The following TMEM230 variants were observed in gnomAD, a reference collection of about 807,000 sequenced individuals.
TMEM230 encodes UPF0414 transmembrane protein C20orf30.
A neutral mutation model predicts 15.8 loss-of-function variants in TMEM230; 10 were observed. That is an observed-to-expected ratio of 0.63 (90% CI 0.39 to 1.07). The LOEUF is 1.07. Among genes scored for constraint, TMEM230 ranks in the 50% least tolerant of loss-of-function variants. The pLI is 0.01. For missense variants in TMEM230, 165 were observed against 193.3 expected, an observed-to-expected ratio of 0.85 and a Z score of 0.87; for synonymous variants, 67 against 76.9, an observed-to-expected ratio of 0.87 and a Z score of 0.68.
intron 3 of TMEM230, among the ~76,000 whole-genome samples, chr20:5,070,366 T>A (rs942110050): frequency 6.6e-6 from 1 of 152,144 alleles, no homozygotes; most frequent in Admixed American, 6.6e-5. Context: ...AGATCCCACA[T>A]GAAAACTGCT....
chr20:5,063,179 G>A, the TMEM230 span, among the ~76,000 whole-genome samples: 2 of 151,278 alleles, frequency 1.3e-5, no homozygotes, highest in Admixed American at 6.6e-5. Context: ...GTGGATCTGA[G>A]TGCTTAAGAA....
At chr20:5,105,285 C>T (rs2090025659) in intron 4 of TMEM230, among the ~76,000 whole-genome samples, 2 of 150,030 alleles carry the variant, frequency 1.3e-5, no homozygotes, top group Non-Finnish European at 3.0e-5. Flanking sequence ...GACTCTGTCT[C>T]CAAAATATAT....
intron 2 of TMEM230, among the ~76,000 whole-genome samples, chr20:5,110,322 C>A (rs143630595): frequency 0.015 from 2,211 of 150,898 alleles, 29 homozygotes; most frequent in Admixed American, 0.022. Context: ...TCTCACTTTG[C>A]TGTCCAGGAT....
Position 5,100,378 on chromosome 20 carries a change from T to C in TMEM230, c.*413A>G, listed in dbSNP as rs545128316. The C allele has an allele frequency of 1.1e-4, 104 of 989,160 alleles. No homozygotes were observed. The African/African-American group carries it at 1.3e-3, about 12-fold the overall frequency. 61.3% of individuals were successfully genotyped at this position (989,160 alleles called of 1,614,324 possible). A position where few individuals can be genotyped will look rare whatever the true frequency, so the allele number is the denominator to read the frequency against. ...AGGTAGGGATAAGTGTACAGGATAA[T>C]ATACTCAGATATTTTTAAAATAAAT... On this transcript the variant is annotated 3_prime_UTR_variant, in exon 5 of 5. Transcript: ENST00000342308.
At chr20:5,063,973 CAAGA>C (rs1405253455), downstream of TMEM230, among the ~76,000 whole-genome samples, 1 of 151,996 alleles carries the variant, frequency 6.6e-6, no homozygotes, top group Non-Finnish European at 1.5e-5. Context: ...GATAACGAAA[CAAGA>C]AAGACTGGCT....
downstream of TMEM230, among the ~76,000 whole-genome samples, chr20:5,065,828 A>G (rs1464868429): frequency 1.3e-5 from 2 of 152,214 alleles, no homozygotes; most frequent in South Asian, 4.1e-4. Flanking sequence ...CGCCCCTGCC[A>G]TGCCAAACAC....
chr20:5,082,058 TTC>T (rs1275836245), intron 3 of TMEM230, among the ~76,000 whole-genome samples: 3 of 151,326 alleles, frequency 2.0e-5, no homozygotes, highest in Admixed American at 6.6e-5. Context: ...GTCTTTTTTT[TTC>T]TTTTTTAGCA....
chr20:5,104,892 G>C (rs1568503153), intron 4 of TMEM230, among the ~76,000 whole-genome samples: 1 of 152,240 alleles, frequency 6.6e-6, no homozygotes, highest in Non-Finnish European at 1.5e-5. Context: ...GGGGAATGGG[G>C]AAGGTTAACG....
chr20:5,091,110 C>T (rs2089493156), intron 3 of TMEM230, among the ~76,000 whole-genome samples: 1 of 152,172 alleles, frequency 6.6e-6, no homozygotes, highest in Non-Finnish European at 1.5e-5. Context: ...GCGAACCTCC[C>T]ACTTCAGCCT....
At chr20:5,099,472 G>GA (rs2089771610), downstream of TMEM230, among the ~76,000 whole-genome samples, 1 of 145,216 alleles carries the variant, frequency 6.9e-6, no homozygotes, top group African/African-American at 2.5e-5. Context: ...CACTTCCTGA[G>GA]TTTTTTTTTT....
At chr20:5,069,738 C>G (rs2088763591) in intron 3 of TMEM230, among the ~76,000 whole-genome samples, 1 of 151,766 alleles carries the variant, frequency 6.6e-6, no homozygotes. Context: ...GTGAGACAGT[C>G]TCCCTCTGTT....
exon 4 of TMEM230, chr20:5,069,105 A>T (rs189497396): frequency 1.7e-6 from 2 of 1,167,240 alleles, no homozygotes; most frequent in Non-Finnish European, 2.4e-6. Flanking sequence ...ACAATCAGTC[A>T]TTTTCATGCT....
intron 3 of TMEM230, among the ~76,000 whole-genome samples, chr20:5,076,315 G>A (rs570383763): frequency 2.2e-4 from 33 of 152,076 alleles, no homozygotes; most frequent in Admixed American, 9.2e-4. Context: ...CAAGGCAGGC[G>A]GATCATCTGA....
At chr20:5,082,234 TTCTCTCTCTCTCTC>T (rs59648052) in intron 3 of TMEM230, among the ~76,000 whole-genome samples, 2 of 149,000 alleles carry the variant, frequency 1.3e-5, no homozygotes, top group East Asian at 2.0e-4. Flanking sequence ...CTCTCTCTCT[TTCTCTCTCTCTCTC>T]TCTCTTTTTC....
chr20:5,066,878 T>C (rs112523755), downstream of TMEM230, among the ~76,000 whole-genome samples: 832 of 152,098 alleles, frequency 5.5e-3, 11 homozygotes, highest in African/African-American at 0.019. Context: ...CCCCCACCCC[T>C]GGGGTCCTCA....
intron 3 of TMEM230, among the ~76,000 whole-genome samples, chr20:5,071,674 C>T (rs930450204): frequency 2.1e-4 from 31 of 150,302 alleles, no homozygotes; most frequent in Admixed American, 8.6e-4. Context: ...TATAGTGATA[C>T]GTATATAGCA....
chr20:5,106,280 T>C lies in TMEM230; in HGVS notation c.319A>G (p.Lys107Glu), dbSNP rs2090089157. 1 of 1,612,262 alleles carries C rather than the reference T, an allele frequency of 6.2e-7. No individual in the cohort carries two copies. The highest frequency in any genetic ancestry group is 2.2e-5 in the East Asian group (1 of 44,842). ...AGCACAGTGGCAAGTGCGATGGCCTTATAAGGGATCTTAGGAGGGGTTTTC... is the reference window on the plus strand; with the variant it reads ...AGCACAGTGGCAAGTGCGATGGCCTCATAAGGGATCTTAGGAGGGGTTTTC... Residue 107 changes from lysine (K) to glutamate (E), a missense_variant, in exon 4 of 5, where the codon AAG becomes GAG. Transcript: ENST00000342308.
At chr20:5,061,695 C>T in the TMEM230 span, among the ~76,000 whole-genome samples, 5 of 152,106 alleles carry the variant, frequency 3.3e-5, no homozygotes, top group African/African-American at 1.2e-4. Context: ...AGCTGAAACA[C>T]TGGATTGGGG....
chr20:5,101,024 A>C (rs2089838506), intron 4 of TMEM230, 93 bp from the exon 4 acceptor site: 1 of 1,457,880 alleles, frequency 6.9e-7, no homozygotes. Flanking sequence ...TCAGTATTTT[A>C]TACTCTTCAG....
Sources: gnomAD v4.1 joint callset for allele counts (sites outside exome capture counted in the v4.1 genomes callset) on GRCh38, gnomAD v4.1.1 for gene constraint, MANE v1.5 for transcripts, NCBI Gene and HGNC (gene_info 2026-07-23, HGNC 2026-07-21) for gene names.